FUZ: variants seen among roughly 807,000 people sequenced by gnomAD.
FUZ encodes the protein fuzzy planar cell polarity protein, also known as protein fuzzy homolog.
FUZ carries 31 observed loss-of-function variants against 43.1 expected under a neutral mutation model. The ratio of observed to expected loss-of-function variants is 0.72; its 90% confidence interval spans 0.54 to 0.97. The LOEUF is 0.97. Ranked by LOEUF, FUZ falls within the 50% of genes least tolerant of loss-of-function variation. The pLI is 0.00. For missense variants in FUZ, 539 were observed against 543.8 expected (o/e 0.99, Z 0.09); for synonymous variants, 274 against 250.0 (o/e 1.10, Z -0.91).
At chr19:49,808,304 G>T in intron 10 of FUZ, 110 bp downstream of exon 10, 1 of 1,096,366 alleles carries the variant, frequency 9.1e-7, no homozygotes, top group Non-Finnish European at 1.3e-6. Context: ...ATGGCCCAGT[G>T]CATACTGGGT....
intron 7 of FUZ, 67 bp from the exon 8 acceptor site, chr19:49,808,890 T>C (rs934933834): frequency 8.1e-7 from 1 of 1,230,618 alleles, no homozygotes; most frequent in Non-Finnish European, 1.1e-6. Flanking sequence ...GGTCGGGGGG[T>C]GTACAAGGAT....
In FUZ at chr19:49,812,635, C is replaced by T; in HGVS notation, c.213G>A (p.Val71=). Residue 71 remains valine, a synonymous_variant, in exon 2 of 11, where the codon GTG becomes GTA. Transcript: ENST00000313777. ...GGGACCTGTCATGGAAGCTTTTCCA[C>T]ACCACAGTCGTGTTCTCGGTCCTCG... ...SSARTENTTV[V]WKSFHDSITL... 1.9e-6 allele frequency: 3 copies of T among 1,614,164 alleles called. No homozygotes were observed. The highest frequency in any genetic ancestry group is 2.5e-6 in the Non-Finnish European group (3 of 1,180,046).
Position 49,807,388 on chromosome 19 carries a change from A to AG in FUZ, c.1034-15dup. The AG allele has an allele frequency of 6.2e-7, 1 of 1,605,042 alleles. No individual in the cohort carries two copies. The highest frequency in any genetic ancestry group is 8.5e-7 in the Non-Finnish European group (1 of 1,175,706). ...GTGGCCCTGGCTCTGGAGAAAGAACAGGGGGCACTGACATGACAAGTAGCA... is the reference window on the plus strand; with the variant it reads ...GTGGCCCTGGCTCTGGAGAAAGAACAGGGGGGCACTGACATGACAAGTAGCA... On this transcript the variant is annotated splice_polypyrimidine_tract_variant and intron_variant, in intron 10 of 10. Transcript: ENST00000313777.
Position 49,813,093 on chromosome 19 carries a change from C to CCCT in FUZ, c.11_13dup (p.Glu4dup). ...CAGCAGATGCACAGTGCCGCCCGTC[C>CCCT]CCTCCTCCCCCATTTAGGACTCCCA... is the stretch of plus-strand genomic sequence containing the variant. On this transcript the variant is annotated inframe_insertion, in exon 1 of 11. Transcript: ENST00000313777. 1 of 1,551,304 alleles carries CCCT rather than the reference C, an allele frequency of 6.4e-7. No individual in the cohort carries two copies. Among genetic ancestry groups the CCCT allele is most frequent in the Non-Finnish European group, 8.7e-7 (1 of 1,146,914 alleles).
Position 49,812,642 on chromosome 19 carries a change from G to C in FUZ, c.206C>G (p.Thr69Ser). ...GTCATGGAAGCTTTTCCACACCACA[G>C]TCGTGTTCTCGGTCCTCGCAGAGCT... ...QLSSARTENT[T>S]VVWKSFHDSI... The change falls in exon 2 of 11, where the codon ACT becomes AGT. Residue 69 changes from threonine to serine, a missense_variant. Transcript: ENST00000313777. 6.2e-7 allele frequency: 1 copy of C among 1,614,138 alleles called. No homozygotes were observed. The highest frequency in any genetic ancestry group is 8.5e-7 in the Non-Finnish European group (1 of 1,180,032).
In FUZ at chr19:49,807,031, C is replaced by T. The variant is rs748227906; in HGVS notation, c.*120G>A. 6.6e-7 allele frequency: 1 copy of T among 1,514,742 alleles called. No individual in the cohort carries two copies. The highest frequency in any genetic ancestry group is 8.8e-7 in the Non-Finnish European group (1 of 1,130,446). The allele number at this position is 1,514,742 out of a possible 1,614,324, so 93.8% of individuals were successfully genotyped here. On this transcript the variant is annotated 3_prime_UTR_variant, in exon 11 of 11. Coordinates refer to ENST00000313777, the MANE Select transcript of FUZ (RefSeq NM_025129.5). Reference sequence around the variant, plus strand: ...AAGTGGATGTCTCCTCCCCTCCCACCCCACCCTGTTGTAGCCCCTCCTACC... The same window carrying T: ...AAGTGGATGTCTCCTCCCCTCCCACTCCACCCTGTTGTAGCCCCTCCTACC...
At position 49,806,944 on chromosome 19, in the gene FUZ, G is replaced by T; in HGVS notation, c.*207C>A. The stretch of plus-strand genomic sequence containing the variant: ...ATCTGCTGCTGTTTACATTCTGGGG[G>T]GTTAGGGGGAGTCCCCCTCCCTCCC... On this transcript the variant is annotated 3_prime_UTR_variant, in exon 11 of 11. Coordinates refer to ENST00000313777, the MANE Select transcript of FUZ (RefSeq NM_025129.5). The T allele has an allele frequency of 6.5e-7, 1 of 1,534,024 alleles. No homozygotes were observed. Among genetic ancestry groups the T allele is most frequent in the African/African-American group, 1.4e-5 (1 of 72,968 alleles).
chr19:49,812,850 T>G (rs908150170), intron 1 of FUZ, 114 bp from the exon 2 acceptor site: 4 of 1,454,844 alleles, frequency 2.7e-6, no homozygotes, highest in African/African-American at 1.4e-5. Context: ...TGGCAGTGCC[T>G]CTTTGGGGAA....
In FUZ at chr19:49,807,318, C is replaced by T; in HGVS notation, c.1090G>A (p.Ala364Thr). 1 of 1,613,614 alleles carries T rather than the reference C, an allele frequency of 6.2e-7. No individual in the cohort carries two copies. The highest frequency in any genetic ancestry group is 8.5e-7 in the Non-Finnish European group (1 of 1,179,978). Reference sequence around the variant, plus strand: ...TCAGTCCCCAACACCAGGTAGCAAGCTCTGGGCAGCTGGGCCTGGTAGACC... The same window carrying T: ...TCAGTCCCCAACACCAGGTAGCAAGTTCTGGGCAGCTGGGCCTGGTAGACC... ...DEVYQAQLPR[A>T]CYLVLGTEEP... is the part of the protein sequence containing the mutation. The change falls in exon 11 of 11, where the codon GCT becomes ACT. Residue 364 changes from alanine (A) to threonine (T), a missense_variant. Coordinates refer to ENST00000313777, the MANE Select transcript of FUZ (RefSeq NM_025129.5).
At position 49,807,317 on chromosome 19, in the gene FUZ, G is replaced by T; in HGVS notation, c.1091C>A (p.Ala364Asp). The T allele has an allele frequency of 6.2e-7, 1 of 1,613,598 alleles. No individual in the cohort carries two copies. Among genetic ancestry groups the T allele is most frequent in the Non-Finnish European group, 8.5e-7 (1 of 1,179,970 alleles). The change falls in exon 11 of 11, where the codon GCT becomes GAT. Residue 364 changes from alanine to aspartate, a missense_variant. Transcript: ENST00000313777. The part of the protein sequence containing the change: ...DEVYQAQLPR[A>D]CYLVLGTEEP... Reference sequence around the variant, plus strand: ...CTCAGTCCCCAACACCAGGTAGCAAGCTCTGGGCAGCTGGGCCTGGTAGAC... The same window carrying T: ...CTCAGTCCCCAACACCAGGTAGCAATCTCTGGGCAGCTGGGCCTGGTAGAC...
In FUZ at chr19:49,813,109, A is replaced by T; in HGVS notation, c.-3T>A. The T allele has an allele frequency of 6.4e-7, 1 of 1,550,752 alleles. No homozygotes were observed. Among genetic ancestry groups the T allele is most frequent in the Non-Finnish European group, 8.7e-7 (1 of 1,146,480 alleles). On this transcript the variant is annotated 5_prime_UTR_variant, in exon 1 of 11. Transcript: ENST00000313777. ...CCGCCCGTCCCCTCCTCCCCCATTT[A>T]GGACTCCCACCGCGGTCCCTCACGT...
Position 49,808,781 on chromosome 19 carries a change from C to A in FUZ, c.829G>T (p.Ala277Ser). The A allele has an allele frequency of 6.4e-7, 1 of 1,562,598 alleles. No individual in the cohort carries two copies. Among genetic ancestry groups the A allele is most frequent in the Non-Finnish European group, 8.7e-7 (1 of 1,153,540 alleles). The change falls in exon 8 of 11, where the codon GCC becomes TCC. Residue 277 changes from alanine (A) to serine (S), a missense_variant. Ala to Ser is a moderately conservative substitution (Grantham distance 99). Coordinates refer to ENST00000313777, the MANE Select transcript of FUZ (RefSeq NM_025129.5). ...WWQPLLDPLR[A>S]CLPLGPRALP... ...GCCCGGGGTCCCAACGGCAGACAGG[C>A]CCGCAACGGGTCCAGCAGTGGCTGC...
Position 49,811,399 on chromosome 19 carries a change from C to T in FUZ, c.456G>A (p.Val152=), listed in dbSNP as rs146191083. ...SELIGDLTQC[V]DCVIPPEGSL... Reference sequence around the variant, plus strand: ...ACCCCTCTGGAGGAATCACGCAGTCCACACACTGGGTCAGGTCCCCGATGA... The same window carrying T: ...ACCCCTCTGGAGGAATCACGCAGTCTACACACTGGGTCAGGTCCCCGATGA... The change falls in exon 5 of 11, where the codon GTG becomes GTA. Residue 152 remains valine, a synonymous_variant. Coordinates refer to ENST00000313777, the MANE Select transcript of FUZ (RefSeq NM_025129.5). 156 of 1,613,202 alleles carry T rather than the reference C, an allele frequency of 9.7e-5. 1 individual carries two copies. The African/African-American group carries it at 1.6e-3, about 17-fold the overall frequency.
In FUZ at chr19:49,812,521, A is replaced by G. The variant is rs559396652; in HGVS notation, c.233+94T>C. 2.7e-4 allele frequency: 425 copies of G among 1,558,556 alleles called. 1 individual carries two copies. The highest frequency in any genetic ancestry group is 9.1e-4 in the African/African-American group (67 of 73,916). On this transcript the variant is annotated intron_variant, in intron 2 of 10. Coordinates refer to ENST00000313777, the MANE Select transcript of FUZ (RefSeq NM_025129.5). ...CTAAAGATCCCATAGCCAAATTAAC[A>G]GCTGCTTTTAGAGAGCTGGAAGGCC...
rs148111530 is a variant in FUZ, at chr19:49,808,993, T to C, written c.786+170A>G. On this transcript the variant is annotated intron_variant, in intron 7 of 10. Transcript: ENST00000313777. ...GGGGAAGGGGCGAGGCCTGGAAGAA[T>C]AGAGGCAGAGGCGGGAGCGGCCGAT... 1,658 of 869,418 alleles carry C rather than the reference T, an allele frequency of 1.9e-3. 15 individuals carry two copies. In the African/African-American group the frequency reaches 0.023, roughly 12 times the overall value. 53.9% of individuals were successfully genotyped at this position (869,418 alleles called of 1,614,324 possible). A position where few individuals can be genotyped will look rare whatever the true frequency, so the allele number is the denominator to read the frequency against.
In FUZ at chr19:49,812,888, G is replaced by A; in HGVS notation, c.111+108C>T. The stretch of plus-strand genomic sequence containing the variant: ...AGGCTTATTGGTCCATTGCCTCCTC[G>A]GTCCTACAAATTCAACACTGAAACT... On this transcript the variant is annotated intron_variant, in intron 1 of 10. Transcript: ENST00000313777. 2 of 1,338,518 alleles carry A rather than the reference G, an allele frequency of 1.5e-6. 1 individual carries two copies. Among genetic ancestry groups the A allele is most frequent in the Admixed American group, 3.9e-5 (2 of 51,718 alleles). 82.9% of individuals were successfully genotyped at this position (1,338,518 alleles called of 1,614,324 possible).
At chr19:49,813,316 C>A (rs751448820), upstream of FUZ, 1 of 659,012 alleles carries the variant, frequency 1.5e-6, no homozygotes, top group South Asian at 1.6e-5. Context: ...CCATTAGGTT[C>A]TCTTCCGCCC....
rs2073849976 is a variant in FUZ, at chr19:49,812,703, C to T, written c.145G>A (p.Val49Ile). 2 of 1,614,102 alleles carry T rather than the reference C, an allele frequency of 1.2e-6. No individual in the cohort carries two copies. The highest frequency in any genetic ancestry group is 1.7e-6 in the Non-Finnish European group (2 of 1,180,008). The stretch of plus-strand genomic sequence containing the variant: ...TCCAGATTCTGCCCAAACATGTGGA[C>T]TCCATTGAGGGAACCGATGACAGAG... ...PFSVIGSLNG[V>I]HMFGQNLEVQ... Residue 49 changes from valine (V) to isoleucine (I), a missense_variant, in exon 2 of 11, where the codon GTC becomes ATC. Val to Ile is a conservative substitution (Grantham distance 29). Coordinates refer to ENST00000313777, the MANE Select transcript of FUZ (RefSeq NM_025129.5).
rs370940328 is a variant in FUZ at position 49,811,657 on chromosome 19, C to G, written c.361G>C (p.Val121Leu). ...GLEELTNIRN[V>L]ERLKKDLRAS... is the part of the protein sequence containing the mutation. ...CTCAAGTCCTTCTTCAGTCTCTCCA[C>G]GTTGCGGATATTGGTCAGTTCTTCA... The change falls in exon 4 of 11, where the codon GTG (valine) becomes CTG (leucine). Residue 121 changes from valine to leucine, a missense_variant. By Grantham distance (32) the Val-to-Leu change is conservative. Coordinates refer to ENST00000313777, the MANE Select transcript of FUZ (RefSeq NM_025129.5). 1.9e-6 allele frequency: 3 copies of G among 1,614,166 alleles called. No homozygotes were observed. The highest frequency in any genetic ancestry group is 1.3e-5 in the African/African-American group (1 of 75,030).
Sources: gnomAD v4.1 joint callset for allele counts on GRCh38, gnomAD v4.1.1 for gene constraint, MANE v1.5 for transcripts, NCBI Gene and HGNC (gene_info 2026-07-23, HGNC 2026-07-21) for gene names.